Variants in ELAVL2 observed in about 807,000 individuals in gnomAD.
ELAVL2 encodes the protein ELAV like RNA binding protein 2.
Under a neutral mutation model 34.6 loss-of-function variants are expected in ELAVL2, and 4 were observed. The observed-to-expected ratio is 0.12, with a 90% CI of 0.06 to 0.26. ELAVL2 has a LOEUF of 0.26. Among genes scored for constraint, ELAVL2 ranks in the 10% least tolerant of loss-of-function variants. The pLI, the probability that ELAVL2 is intolerant of heterozygous loss-of-function variation, is 1.00. For missense variants in ELAVL2, 432 were observed against 442.8 expected, an observed-to-expected ratio of 0.98 and a Z score of 0.22; for synonymous variants, 193 against 154.8, an observed-to-expected ratio of 1.25 and a Z score of -1.83.
the ELAVL2 span, chr9:23,847,438 T>G: frequency 6.6e-6 from 1 of 152,096 alleles, no homozygotes; most frequent in Admixed American, 6.6e-5. Context: ...ATCAATGACT[T>G]TCTATGAGAG....
At chr9:23,719,770 T>C (rs1245213515) in intron 3 of ELAVL2, among the ~76,000 whole-genome samples, 1 of 152,160 alleles carries the variant, frequency 6.6e-6, no homozygotes, top group African/African-American at 2.4e-5. Flanking sequence ...GAAGAGGGGT[T>C]TGGTTGGCAG....
At chr9:23,836,787 T>G in the ELAVL2 span, among the ~76,000 whole-genome samples, 1 of 152,072 alleles carries the variant, frequency 6.6e-6, no homozygotes, top group African/African-American at 2.4e-5. Context: ...CTACAAAGCA[T>G]AGGAAATCAG....
intron 1 of ELAVL2, among the ~76,000 whole-genome samples, chr9:23,814,532 A>G (rs2063450621): frequency 6.6e-6 from 1 of 152,186 alleles, no homozygotes; most frequent in Non-Finnish European, 1.5e-5. Flanking sequence ...CGTATTTGGG[A>G]AAAGTCCATG....
chr9:23,738,994 T>A (rs559060696), intron 2 of ELAVL2, among the ~76,000 whole-genome samples: 1 of 152,254 alleles, frequency 6.6e-6, no homozygotes, highest in Admixed American at 6.5e-5. Flanking sequence ...TATATCACAT[T>A]TTCAGACAAC....
intron 1 of ELAVL2, among the ~76,000 whole-genome samples, chr9:23,780,377 G>T (rs1315764599): frequency 6.6e-6 from 1 of 152,086 alleles, no homozygotes; most frequent in Non-Finnish European, 1.5e-5. Flanking sequence ...ACATTCAATT[G>T]TTATTAACTC....
intron 1 of ELAVL2, among the ~76,000 whole-genome samples, chr9:23,789,785 G>T (rs1271763263): frequency 6.6e-6 from 1 of 152,078 alleles, no homozygotes; most frequent in East Asian, 1.9e-4. Flanking sequence ...CAGCCCAGAG[G>T]AAAACAGTAT....
intron 1 of ELAVL2, among the ~76,000 whole-genome samples, chr9:23,793,641 G>T (rs995126626): frequency 6.6e-6 from 1 of 152,106 alleles, no homozygotes; most frequent in African/African-American, 2.4e-5. Flanking sequence ...GAGAGCCTGA[G>T]CTTCGTAACC....
intron 1 of ELAVL2, among the ~76,000 whole-genome samples, chr9:23,805,746 G>A (rs142496716): frequency 4.1e-4 from 62 of 152,040 alleles, no homozygotes; most frequent in African/African-American, 1.2e-3. Flanking sequence ...TCTGATAGCC[G>A]AAGAGGGTTC....
intron 1 of ELAVL2, among the ~76,000 whole-genome samples, chr9:23,813,229 G>C (rs754947810): frequency 7.9e-5 from 12 of 152,118 alleles, no homozygotes; most frequent in Non-Finnish European, 1.5e-5. Context: ...GACATGTGGA[G>C]CCTCTTTCTA....
chr9:23,761,430 T>G (rs921263141), intron 2 of ELAVL2, among the ~76,000 whole-genome samples: 1 of 152,146 alleles, frequency 6.6e-6, no homozygotes, highest in East Asian at 1.9e-4. Flanking sequence ...AAATGTACTA[T>G]AATTAAGGCT....
Position 23,692,869 on chromosome 9 carries a change from G to T in ELAVL2, c.768C>A (p.Thr256=). Residue 256 remains threonine (T), a synonymous_variant, in exon 7 of 7, where the codon ACC becomes ACA. Transcript: ENST00000397312. ...AYGVKRFSPM[T]IDGMTSLAGI... is the part of the protein sequence containing the mutation. Reference sequence around the variant, plus strand: ...CAGCCAAACTGGTCATTCCGTCAATGGTCATTGGAGAAAACCTGCTAAACA... The same window carrying T: ...CAGCCAAACTGGTCATTCCGTCAATTGTCATTGGAGAAAACCTGCTAAACA... 1 of 1,613,470 alleles carries T rather than the reference G, an allele frequency of 6.2e-7. No homozygotes were observed. The highest frequency in any genetic ancestry group is 8.5e-7 in the Non-Finnish European group (1 of 1,179,576).
intron 1 of ELAVL2, among the ~76,000 whole-genome samples, chr9:23,781,896 G>T (rs1698669888): frequency 1.3e-5 from 2 of 152,110 alleles, no homozygotes; most frequent in African/African-American, 4.8e-5. Flanking sequence ...GTGTTAGTCA[G>T]GATGGTCTCG....
At chr9:23,785,037 T>C (rs2059516683) in intron 1 of ELAVL2, among the ~76,000 whole-genome samples, 1 of 152,202 alleles carries the variant, frequency 6.6e-6, no homozygotes, top group African/African-American at 2.4e-5. Context: ...AACCAGGAAA[T>C]GACAGTGATA....
At chr9:23,829,668 A>T (rs1369241558), upstream of ELAVL2, 1 of 152,184 alleles carries the variant, frequency 6.6e-6, no homozygotes, top group African/African-American at 2.4e-5. Flanking sequence ...TTCTTCCTAA[A>T]GTAGTATGTG....
intron 5 of ELAVL2, among the ~76,000 whole-genome samples, chr9:23,694,125 C>T (rs1031399355): frequency 6.6e-6 from 1 of 152,148 alleles, no homozygotes; most frequent in African/African-American, 2.4e-5. Context: ...AAAGAAAAAT[C>T]CATCACTCCA....
intron 1 of ELAVL2, among the ~76,000 whole-genome samples, chr9:23,799,141 A>C (rs1032860486): frequency 1.1e-4 from 16 of 152,196 alleles, no homozygotes; most frequent in African/African-American, 3.9e-4. Flanking sequence ...AATCTAATGC[A>C]ATCTCACAGA....
At chr9:23,800,227 G>C (rs1457642419) in intron 1 of ELAVL2, among the ~76,000 whole-genome samples, 1 of 152,168 alleles carries the variant, frequency 6.6e-6, no homozygotes, top group Non-Finnish European at 1.5e-5. Context: ...GCTTGGATAG[G>C]TGGAGTGACT....
intron 1 of ELAVL2, among the ~76,000 whole-genome samples, chr9:23,794,864 A>AT (rs1327845643): frequency 2.0e-5 from 3 of 152,178 alleles, no homozygotes; most frequent in African/African-American, 7.2e-5. Flanking sequence ...TGTTTTAATA[A>AT]TAAGTAGAGA....
At chr9:23,809,334 T>C (rs2062665059) in intron 1 of ELAVL2, among the ~76,000 whole-genome samples, 1 of 152,156 alleles carries the variant, frequency 6.6e-6, no homozygotes, top group African/African-American at 2.4e-5. Context: ...AGAGAACATG[T>C]TGGCATGAAG....
Sources: gnomAD v4.1 joint callset for allele counts (sites outside exome capture counted in the v4.1 genomes callset) on GRCh38, gnomAD v4.1.1 for gene constraint, MANE v1.5 for transcripts, NCBI Gene and HGNC (gene_info 2026-07-23, HGNC 2026-07-21) for gene names.